Variants in CAP1 observed in about 807,000 individuals in gnomAD.
The protein encoded by CAP1 is cyclase associated actin cytoskeleton regulatory protein 1.
In CAP1, 11 loss-of-function variants were observed where a neutral mutation model predicts 58.2. That is an observed-to-expected ratio of 0.19 (90% confidence interval 0.12 to 0.31). The LOEUF (loss-of-function observed/expected upper bound fraction) is 0.31. Ranked by LOEUF, CAP1 falls within the 10% of genes least tolerant of loss-of-function variation. The probability of loss-of-function intolerance (pLI) is 1.00; values close to 1 mark genes in which losing one functional copy is unlikely to be tolerated. For synonymous variants in CAP1, 183 were observed against 213.8 expected (o/e 0.86, Z 1.26); for missense variants, 423 against 587.5 (o/e 0.72, Z 2.89).
intron 1 of CAP1, among the ~76,000 whole-genome samples, chr1:40,057,176 G>T (rs993581319): frequency 1.3e-5 from 2 of 152,202 alleles, no homozygotes; most frequent in Non-Finnish European, 2.9e-5. Context: ...CATGTTAACA[G>T]TGGTCTCAAC....
In CAP1 at chr1:40,070,915, G is replaced by A; in HGVS notation, c.1280G>A (p.Cys427Tyr). ...TACCTGAGCAAGAATTCCCTGGATTGTGAAATAGTCAGTGCCAAATCTTCC... is the reference window on the plus strand; with the variant it reads ...TACCTGAGCAAGAATTCCCTGGATTATGAAATAGTCAGTGCCAAATCTTCC... ...HAYLSKNSLD[C>Y]EIVSAKSSEM... is the part of the protein sequence containing the mutation. The change falls in exon 12 of 13, where the codon TGT becomes TAT. Residue 427 changes from cysteine (C) to tyrosine (Y), a missense_variant. Transcript: ENST00000372805. 1 of 1,613,964 alleles carries A rather than the reference G, an allele frequency of 6.2e-7. No homozygotes were observed. Among genetic ancestry groups the A allele is most frequent in the East Asian group, 2.2e-5 (1 of 44,882 alleles).
At chr1:40,041,408 G>A (rs1217160004) in intron 1 of CAP1, 5 of 152,142 alleles carry the variant, frequency 3.3e-5, no homozygotes, top group African/African-American at 1.2e-4. Flanking sequence ...AAGAAAGGCG[G>A]GCACATCCTT....
rs374777353 is a variant in CAP1, at chr1:40,067,735, C to T, written c.808+18C>T. 52 of 1,579,062 alleles carry T rather than the reference C, an allele frequency of 3.3e-5. No individual in the cohort carries two copies. Among genetic ancestry groups the T allele is most frequent in the Non-Finnish European group, 4.2e-5 (49 of 1,158,824 alleles). On this transcript the variant is annotated intron_variant, in intron 8 of 12. Transcript: ENST00000372805. Reference sequence around the variant, plus strand: ...TACACATGGTGAGTGAGCACTTGGACACGAACAGTAGGTACAACAAGTTGT... The same window carrying T: ...TACACATGGTGAGTGAGCACTTGGATACGAACAGTAGGTACAACAAGTTGT...
intron 7 of CAP1, 141 bp from the exon 8 acceptor site, chr1:40,067,399 G>A (rs1279755917): frequency 4.9e-6 from 3 of 607,128 alleles, no homozygotes; most frequent in Non-Finnish European, 8.4e-6. Flanking sequence ...AAGCCAAGTT[G>A]GGTATGGGTA....
rs149532372 is a variant in CAP1 at position 40,046,492 on chromosome 1, A to G, written c.-11+5691A>G. Reference sequence around the variant, plus strand: ...AAACAAAACAAAACAAAAAAAAACAAACAAACACTAAAGTTGCATATAGTT... The same window carrying G: ...AAACAAAACAAAACAAAAAAAAACAGACAAACACTAAAGTTGCATATAGTT... On this transcript the variant is annotated intron_variant, in intron 1 of 12. Coordinates refer to ENST00000372805, the MANE Select transcript of CAP1 (RefSeq NM_006367.4). 5.7e-3 allele frequency among the ~76,000 whole-genome samples: 866 copies of G among 152,226 alleles called. 7 individuals are homozygous for G. The highest frequency in any genetic ancestry group is 0.02 in the African/African-American group (813 of 41,558).
chr1:40,070,056 G>C lies in CAP1; in HGVS notation c.994-103G>C, dbSNP rs1364069115. On this transcript the variant is annotated intron_variant, in intron 9 of 12. Transcript: ENST00000372805. ...AATGGAGCTTAGCTAGATGAGGGCA[G>C]AGTTCTGGCTTCAATTGCAAGAACA... 1.2e-5 allele frequency: 18 copies of C among 1,525,584 alleles called. No individual in the cohort carries two copies. In the South Asian group the frequency reaches 1.9e-4, roughly 16 times the overall value. The allele number at this position is 1,525,584 out of a possible 1,614,324, so 94.5% of individuals were successfully genotyped here. A position where few individuals can be genotyped will look rare whatever the true frequency, so the allele number is the denominator to read the frequency against.
At chr1:40,069,924 T>C in intron 9 of CAP1, 50 bp downstream of exon 9, 1 of 1,492,608 alleles carries the variant, frequency 6.7e-7, no homozygotes, top group Non-Finnish European at 8.9e-7. Flanking sequence ...TATTTTATTT[T>C]TTTGAGATGG....
chr1:40,059,952 T>C lies in CAP1; in HGVS notation c.113-115T>C. ...CCTGGAACCCAGGTTTCCTTACTCC[T>C]GTTCTGTATCCTGTTGACTGTATTA... On this transcript the variant is annotated intron_variant, in intron 2 of 12. Coordinates refer to ENST00000372805, the MANE Select transcript of CAP1 (RefSeq NM_006367.4). 5.3e-6 allele frequency: 4 copies of C among 750,670 alleles called. No individual in the cohort carries two copies. In the South Asian group the frequency reaches 6.9e-5, roughly 13 times the overall value. 46.5% of individuals were successfully genotyped at this position (750,670 alleles called of 1,614,324 possible).
chr1:40,070,779 G>A (rs1239093513), intron 11 of CAP1, 57 bp from the exon 12 acceptor site: 34 of 1,499,462 alleles, frequency 2.3e-5, no homozygotes, highest in Admixed American at 1.2e-4. Context: ...CTTTTCCTGC[G>A]ACTTACTGTT....
intron 8 of CAP1, among the ~76,000 whole-genome samples, chr1:40,069,241 T>C (rs1444842286): frequency 6.6e-6 from 1 of 152,160 alleles, no homozygotes; most frequent in Non-Finnish European, 1.5e-5. Flanking sequence ...ACCAAATATA[T>C]GTAGAAAACA....
intron 1 of CAP1, among the ~76,000 whole-genome samples, chr1:40,049,013 A>T (rs1341071269): frequency 6.6e-6 from 1 of 152,068 alleles, no homozygotes; most frequent in Non-Finnish European, 1.5e-5. Context: ...GTAGAAATTC[A>T]TGCTACTGTC....
At chr1:40,071,064 A>G (rs1383128519) in intron 12 of CAP1, 85 bp downstream of exon 12, 1 of 1,296,450 alleles carries the variant, frequency 7.7e-7, no homozygotes, top group Non-Finnish European at 1.1e-6. Flanking sequence ...TTTTATGAAC[A>G]TTCTGCACTG....
chr1:40,070,957 T>C lies in CAP1; in HGVS notation c.1322T>C (p.Ile441Thr). 1 of 1,613,302 alleles carries C rather than the reference T, an allele frequency of 6.2e-7. No individual in the cohort carries two copies. The highest frequency in any genetic ancestry group is 1.1e-5 in the South Asian group (1 of 91,018). Residue 441 changes from isoleucine (I) to threonine (T), a missense_variant, in exon 12 of 13, where the codon ATT (isoleucine) becomes ACT (threonine). Coordinates refer to ENST00000372805, the MANE Select transcript of CAP1 (RefSeq NM_006367.4). ...SAKSSEMNVL[I>T]PTEGGDFNEF... ...AAATCTTCCGAGATGAATGTCCTCA[T>C]TCCTACAGAAGGCGGTGACTTTGTA...
At chr1:40,070,631 T>G in intron 11 of CAP1, 119 bp downstream of exon 11, 4 of 1,010,050 alleles carry the variant, frequency 4.0e-6, no homozygotes, top group Non-Finnish European at 6.1e-6. Context: ...TAAGCTGAGC[T>G]GCTTTGGACG....
chr1:40,056,316 A>T (rs796754448), intron 1 of CAP1, among the ~76,000 whole-genome samples: 35 of 118,320 alleles, frequency 3.0e-4, no homozygotes, highest in African/African-American at 1.0e-3. Flanking sequence ...TTTTTTTTGG[A>T]GACAGGGTCT....
intron 3 of CAP1, 44 bp downstream of exon 3, chr1:40,060,214 G>C: frequency 2.1e-6 from 3 of 1,455,222 alleles, no homozygotes; most frequent in Non-Finnish European, 2.9e-6. Context: ...AGGACTAACA[G>C]CTTTCTTCAG....
chr1:40,071,108 T>G, intron 12 of CAP1, 129 bp downstream of exon 12: 1 of 866,306 alleles, frequency 1.2e-6, no homozygotes, highest in Non-Finnish European at 1.8e-6. Context: ...ACACCAAAAG[T>G]ACACAGAAAT....
At position 40,072,074 on chromosome 1, in the gene CAP1, A is replaced by C. The variant is rs374131591; in HGVS notation, c.*541A>C. On this transcript the variant is annotated 3_prime_UTR_variant, in exon 13 of 13. Coordinates refer to ENST00000372805, the MANE Select transcript of CAP1 (RefSeq NM_006367.4). Reference sequence around the variant, plus strand: ...AGCATTCCATACAAAATTGTTTCCTATAAGCATTCCTTTTATTCTCTATTC... The same window carrying C: ...AGCATTCCATACAAAATTGTTTCCTCTAAGCATTCCTTTTATTCTCTATTC... 2.5e-6 allele frequency: 1 copy of C among 402,412 alleles called. No homozygotes were observed. The highest frequency in any genetic ancestry group is 2.1e-5 in the African/African-American group (1 of 48,600). 24.9% of individuals were successfully genotyped at this position (402,412 alleles called of 1,614,324 possible).
intron 4 of CAP1, among the ~76,000 whole-genome samples, chr1:40,063,502 A>G (rs1646946565): frequency 6.6e-6 from 1 of 152,000 alleles, no homozygotes; most frequent in Non-Finnish European, 1.5e-5. Flanking sequence ...ATTTGTAGAG[A>G]CAAAGTTGTG....
Sources: gnomAD v4.1 joint callset for allele counts (sites outside exome capture counted in the v4.1 genomes callset) on GRCh38, gnomAD v4.1.1 for gene constraint, MANE v1.5 for transcripts, NCBI Gene and HGNC (gene_info 2026-07-23, HGNC 2026-07-21) for gene names.